ZMIZ1: variants seen among roughly 807,000 people sequenced by gnomAD.
ZMIZ1 encodes zinc finger MIZ domain-containing protein 1.
A neutral mutation model predicts 113.9 loss-of-function variants in ZMIZ1; 17 were observed. That is an observed-to-expected ratio of 0.15 (90% CI 0.10 to 0.22). The LOEUF (loss-of-function observed/expected upper bound fraction) is 0.22. ZMIZ1 is among the 10% of genes least tolerant of loss of function. The probability of loss-of-function intolerance (pLI) is 1.00; values close to 1 mark genes in which losing one functional copy is unlikely to be tolerated. For missense variants in ZMIZ1, 1,059 were observed against 1,477.8 expected (o/e 0.72, Z 4.65); for synonymous variants, 607 against 603.1 (o/e 1.01, Z -0.09).
At chr10:79,209,751 T>G (rs1405307127) in intron 6 of ZMIZ1, among the ~76,000 whole-genome samples, 4 of 152,248 alleles carry the variant, frequency 2.6e-5, no homozygotes, top group Non-Finnish European at 4.4e-5. Context: ...CTCAGTGAGC[T>G]TGGCCTGCAA....
At chr10:79,226,984 C>G (rs139484910) in intron 7 of ZMIZ1, among the ~76,000 whole-genome samples, 1 of 152,172 alleles carries the variant, frequency 6.6e-6, no homozygotes. Flanking sequence ...ACTCACTTAT[C>G]CCACATGGTG....
chr10:79,176,705 G>A (rs563059264), intron 4 of ZMIZ1, among the ~76,000 whole-genome samples: 2 of 152,334 alleles, frequency 1.3e-5, no homozygotes, highest in East Asian at 1.9e-4. Context: ...ACTGGGAGAG[G>A]TGTGCAGTGG....
intron 4 of ZMIZ1, among the ~76,000 whole-genome samples, chr10:79,189,671 T>C (rs1399284021): frequency 2.0e-5 from 3 of 152,292 alleles, no homozygotes; most frequent in African/African-American, 4.8e-5. Context: ...GGGTGAAACA[T>C]GGGTCAACTC....
At chr10:79,098,495 A>T (rs190232221) in intron 1 of ZMIZ1, among the ~76,000 whole-genome samples, 70 of 152,210 alleles carry the variant, frequency 4.6e-4, no homozygotes, top group Non-Finnish European at 8.7e-4. Flanking sequence ...ATCTCGAAGG[A>T]CTCTAGCGAG....
intron 8 of ZMIZ1, among the ~76,000 whole-genome samples, chr10:79,277,614 A>C (rs1852383662): frequency 6.6e-6 from 1 of 152,208 alleles, no homozygotes; most frequent in Non-Finnish European, 1.5e-5. Flanking sequence ...TTTCTTGACC[A>C]GGGTATTGGG....
intron 4 of ZMIZ1, among the ~76,000 whole-genome samples, chr10:79,174,262 G>C (rs564466842): frequency 8.5e-5 from 13 of 152,300 alleles, no homozygotes; most frequent in African/African-American, 2.9e-4. Flanking sequence ...TCAGCGTCGG[G>C]GACACCGGGG....
At chr10:79,244,927 G>C (rs1850100429) in intron 7 of ZMIZ1, among the ~76,000 whole-genome samples, 1 of 152,194 alleles carries the variant, frequency 6.6e-6, no homozygotes, top group Non-Finnish European at 1.5e-5. Flanking sequence ...CTGTCCCAGG[G>C]GTTGCGTGGA....
chr10:79,199,512 A>G (rs1410123512), intron 4 of ZMIZ1, among the ~76,000 whole-genome samples: 1 of 152,228 alleles, frequency 6.6e-6, no homozygotes, highest in Non-Finnish European at 1.5e-5. Context: ...TCTCAAAAAA[A>G]AAAAGTTCTT....
chr10:79,311,667 C>G (rs1483437113), intron 24 of ZMIZ1, among the ~76,000 whole-genome samples: 3 of 152,036 alleles, frequency 2.0e-5, no homozygotes, highest in Non-Finnish European at 4.4e-5. Context: ...CAAGAGGCCC[C>G]CATGTGGGTG....
chr10:79,108,903 G>A (rs1170004544), intron 1 of ZMIZ1, among the ~76,000 whole-genome samples: 1 of 152,040 alleles, frequency 6.6e-6, no homozygotes, highest in Non-Finnish European at 1.5e-5. Context: ...GTGCATGCAT[G>A]TGCACATGCA....
intron 7 of ZMIZ1, among the ~76,000 whole-genome samples, chr10:79,256,552 G>A (rs889736639): frequency 6.6e-6 from 1 of 152,234 alleles, no homozygotes; most frequent in Middle Eastern, 3.2e-3. Flanking sequence ...GCCTGCCGGT[G>A]CCCCTGCAGC....
chr10:79,079,247 G>C (rs543200055), intron 1 of ZMIZ1, among the ~76,000 whole-genome samples: 1 of 152,390 alleles, frequency 6.6e-6, no homozygotes, highest in East Asian at 1.9e-4. Flanking sequence ...GAGTTTTGCT[G>C]GCTGTCAGAG....
intron 3 of ZMIZ1, among the ~76,000 whole-genome samples, chr10:79,141,509 G>T (rs1845267789): frequency 6.6e-6 from 1 of 152,054 alleles, no homozygotes; most frequent in South Asian, 2.1e-4. Context: ...CCCAGCTGAA[G>T]TGATTCTCCC....
chr10:79,253,261 A>G (rs1850659270), intron 7 of ZMIZ1, among the ~76,000 whole-genome samples: 3 of 152,204 alleles, frequency 2.0e-5, no homozygotes. Flanking sequence ...GCATGTGTCC[A>G]CTAGGACGTG....
intron 7 of ZMIZ1, among the ~76,000 whole-genome samples, chr10:79,258,453 T>G (rs1851055629): frequency 6.6e-6 from 1 of 152,202 alleles, no homozygotes; most frequent in East Asian, 1.9e-4. Flanking sequence ...AACTCCTCAG[T>G]TGCACTGGCC....
At chr10:79,288,874 G>A (rs1336284035) in intron 8 of ZMIZ1, among the ~76,000 whole-genome samples, 1 of 152,228 alleles carries the variant, frequency 6.6e-6, no homozygotes, top group South Asian at 2.1e-4. Flanking sequence ...ATACGTGAGA[G>A]CTCCTTGGGG....
At chr10:79,117,657 GAGAGGTCACAGGGTA>G (rs1366943947) in intron 1 of ZMIZ1, among the ~76,000 whole-genome samples, 1 of 152,218 alleles carries the variant, frequency 6.6e-6, no homozygotes, top group Non-Finnish European at 1.5e-5. Flanking sequence ...TGGGTCATGG[GAGAGGTCACAGGGTA>G]AGAGACCCTT....
intron 7 of ZMIZ1, among the ~76,000 whole-genome samples, chr10:79,268,109 T>C (rs1851713123): frequency 6.6e-6 from 1 of 152,200 alleles, no homozygotes; most frequent in African/African-American, 2.4e-5. Context: ...GGAGCAGCAC[T>C]ATCTCCAGGG....
chr10:79,260,269 AG>A (rs1220889082), intron 7 of ZMIZ1, among the ~76,000 whole-genome samples: 1 of 152,178 alleles, frequency 6.6e-6, no homozygotes, highest in Non-Finnish European at 1.5e-5. Flanking sequence ...TAGCCCTGGT[AG>A]AGCTTTTGTT....
Sources: gnomAD v4.1 joint callset for allele counts (sites outside exome capture counted in the v4.1 genomes callset) on GRCh38, gnomAD v4.1.1 for gene constraint, MANE v1.5 for transcripts, NCBI Gene and HGNC (gene_info 2026-07-23, HGNC 2026-07-21) for gene names.